Variants in GPHN observed in about 807,000 individuals in gnomAD.
The protein encoded by GPHN is gephyrin.
A neutral mutation model predicts 95.5 loss-of-function variants in GPHN; 17 were observed. The observed-to-expected ratio is 0.18, with a 90% CI of 0.12 to 0.27. The LOEUF is 0.27. GPHN is among the 10% of genes least tolerant of loss of function. The pLI is 1.00. For synonymous variants in GPHN, 320 were observed against 322.5 expected, an observed-to-expected ratio of 0.99 and a Z score of 0.08; for missense variants, 660 against 978.1, an observed-to-expected ratio of 0.67 and a Z score of 4.34.
chr14:66,889,845 A>T (rs6573732), intron 5 of GPHN, among the ~76,000 whole-genome samples: 44,750 of 151,868 alleles, frequency 0.29, 10,656 homozygotes, highest in African/African-American at 0.63. Context: ...CTTCAAAAAG[A>T]TCAACAAAAT....
At chr14:67,254,817 A>G in the GPHN span, among the ~76,000 whole-genome samples, 2 of 152,144 alleles carry the variant, frequency 1.3e-5, no homozygotes, top group East Asian at 1.9e-4. Context: ...TTGGAACATA[A>G]TTTTTTCTCT....
intron 2 of GPHN, among the ~76,000 whole-genome samples, chr14:66,746,801 A>G (rs1283892036): frequency 6.6e-6 from 1 of 152,128 alleles, no homozygotes; most frequent in Non-Finnish European, 1.5e-5. Context: ...TAGGGAAAAA[A>G]TTCTACAGGG....
intron 2 of GPHN, among the ~76,000 whole-genome samples, chr14:66,703,438 C>T (rs1489406736): frequency 7.2e-5 from 11 of 152,262 alleles, no homozygotes; most frequent in African/African-American, 2.4e-4. Context: ...GGAATAATAG[C>T]GTAACTCTCA....
At chr14:67,518,594 T>C in the GPHN span, among the ~76,000 whole-genome samples, 1 of 152,368 alleles carries the variant, frequency 6.6e-6, no homozygotes, top group African/African-American at 2.4e-5. Context: ...TTTGTATCTC[T>C]AAAGTTCCTT....
chr14:67,317,358 G>C, the GPHN span: 3 of 1,455,030 alleles, frequency 2.1e-6, no homozygotes, highest in Non-Finnish European at 2.8e-6. Flanking sequence ...GAGTTATGTG[G>C]TTTTGTTCAC....
At chr14:66,957,411 G>C (rs1240995180) in intron 8 of GPHN, among the ~76,000 whole-genome samples, 1 of 151,752 alleles carries the variant, frequency 6.6e-6, no homozygotes, top group Non-Finnish European at 1.5e-5. Context: ...GACCAGGCTG[G>C]TCTTGAGCAG....
chr14:66,990,309 A>G (rs773413952), intron 9 of GPHN, among the ~76,000 whole-genome samples: 1 of 152,174 alleles, frequency 6.6e-6, no homozygotes, highest in Non-Finnish European at 1.5e-5. Context: ...GTGGAGACAC[A>G]GAGCCAAACC....
the GPHN span, among the ~76,000 whole-genome samples, chr14:67,193,943 T>A: frequency 1.2e-4 from 7 of 57,008 alleles, no homozygotes; most frequent in African/African-American, 5.4e-4. Context: ...AGACCCTGTC[T>A]CAAAAAAAAA....
the GPHN span, chr14:67,593,133 TTAAG>T: frequency 6.0e-6 from 1 of 166,110 alleles, no homozygotes; most frequent in Non-Finnish European, 1.3e-5. Flanking sequence ...TCACAAATGT[TTAAG>T]TAGTAGAACA....
At chr14:67,556,221 G>A in the GPHN span, among the ~76,000 whole-genome samples, 2 of 152,230 alleles carry the variant, frequency 1.3e-5, no homozygotes, top group African/African-American at 4.8e-5. Context: ...AGGAATCCAG[G>A]TTAAAGGAGG....
chr14:66,939,261 AAATATTTGCAAATTATATACCTGAT>A, intron 8 of GPHN, among the ~76,000 whole-genome samples: 1 of 152,316 alleles, frequency 6.6e-6, no homozygotes, highest in South Asian at 2.1e-4. Flanking sequence ...GAATGGGAGA[AAATATTTGCAAATTATATACCTGAT>A]AAGAGATTAA....
the GPHN span, among the ~76,000 whole-genome samples, chr14:67,670,454 T>G: frequency 6.6e-6 from 1 of 152,178 alleles, no homozygotes; most frequent in Non-Finnish European, 1.5e-5. Flanking sequence ...TATATTCAGT[T>G]TGAAGTTTTT....
chr14:66,680,738 A>G (rs1595521894), intron 1 of GPHN, among the ~76,000 whole-genome samples: 1 of 152,126 alleles, frequency 6.6e-6, no homozygotes, highest in East Asian at 1.9e-4. Context: ...TTTTAAAAAT[A>G]TGATTTTGTA....
intron 3 of GPHN, among the ~76,000 whole-genome samples, chr14:66,791,053 C>T (rs140826020): frequency 6.6e-6 from 1 of 152,194 alleles, no homozygotes; most frequent in Non-Finnish European, 1.5e-5. Flanking sequence ...GAACTCTAAC[C>T]TTCCTATGTT....
intron 1 of GPHN, among the ~76,000 whole-genome samples, chr14:66,598,572 T>C (rs1211475013): frequency 6.6e-6 from 1 of 152,078 alleles, no homozygotes; most frequent in African/African-American, 2.4e-5. Context: ...AGAGGCTGGG[T>C]GCGGTGGCTC....
At chr14:66,803,910 C>A (rs1216147460) in intron 3 of GPHN, among the ~76,000 whole-genome samples, 1 of 151,908 alleles carries the variant, frequency 6.6e-6, no homozygotes, top group Non-Finnish European at 1.5e-5. Flanking sequence ...CCATTTCATC[C>A]ATTTTGTTAA....
the GPHN span, chr14:67,473,048 T>G: frequency 4.4e-6 from 1 of 229,100 alleles, no homozygotes; most frequent in Non-Finnish European, 8.6e-6. This position sits in a 1 kb window ranked among gnomAD's most constrained non-coding sequence, Gnocchi z 6.5. Flanking sequence ...GGGAGGGAGG[T>G]CAGGCCTTGC....
intron 1 of GPHN, among the ~76,000 whole-genome samples, chr14:66,632,617 T>C (rs2063875843): frequency 6.6e-6 from 1 of 151,344 alleles, no homozygotes; most frequent in African/African-American, 2.4e-5. Context: ...CTCAGCCTCC[T>C]GAGTAGCTGG....
intron 3 of GPHN, among the ~76,000 whole-genome samples, chr14:66,787,676 CA>C (rs1293383898): frequency 6.6e-6 from 1 of 151,296 alleles, no homozygotes; most frequent in African/African-American, 2.4e-5. Flanking sequence ...TAGGCTTATA[CA>C]AATATATTCA....
Sources: allele counts gnomAD v4.1 joint callset (sites outside exome capture counted in the v4.1 genomes callset), GRCh38; gene constraint gnomAD v4.1.1; non-coding constraint Gnocchi (gnomAD v3.1); transcripts MANE v1.5; gene names NCBI Gene and HGNC (gene_info 2026-07-23, HGNC 2026-07-21).